Variants in GDF11 observed in about 807,000 individuals in gnomAD.
The protein encoded by GDF11 is growth/differentiation factor 11.
Under a neutral mutation model 34.4 loss-of-function variants are expected in GDF11, and 12 were observed. That is an observed-to-expected ratio of 0.35 (90% CI 0.22 to 0.57). GDF11 has a LOEUF of 0.57. Among genes scored for constraint, GDF11 ranks in the 20% least tolerant of loss-of-function variants. GDF11 has a pLI of 0.86. For synonymous variants in GDF11, 212 were observed against 231.1 expected (o/e 0.92, Z 0.75); for missense variants, 346 against 548.2 (o/e 0.63, Z 3.68).
chr12:55,754,953 A>C lies in GDF11; in HGVS notation c.*5071A>C, dbSNP rs1223128811. 6.6e-6 allele frequency: 1 copy of C among 152,238 alleles called. No homozygotes were observed. The highest frequency in any genetic ancestry group is 1.5e-5 in the Non-Finnish European group (1 of 68,042). The allele number at this position is 152,238 out of a possible 1,614,324, so 9.4% of individuals were successfully genotyped here. On this transcript the variant is annotated 3_prime_UTR_variant, in exon 3 of 3. Coordinates refer to ENST00000257868, the MANE Select transcript of GDF11 (RefSeq NM_005811.5). ...GAAACCTAAATACAGGAATAACATA[A>C]GGGAAAGAGATAACAAGAAAGTTAG...
rs1878248157 is a variant in GDF11, at chr12:55,749,095, T to C, written c.843+112T>C. ...AAGGAGGTTGGGGACCAGCATTACT[T>C]CTCTGGGGTCAGCAGCTGATTCTAG... is the stretch of plus-strand genomic sequence containing the variant. On this transcript the variant is annotated intron_variant, in intron 2 of 2. Transcript: ENST00000257868. The surrounding 1 kb of genome is among the most constrained non-coding windows in gnomAD (Gnocchi z 5.6). 1 of 1,097,608 alleles carries C rather than the reference T, an allele frequency of 9.1e-7. No individual in the cohort carries two copies. Among genetic ancestry groups the C allele is most frequent in the Non-Finnish European group, 1.3e-6 (1 of 788,020 alleles). 68.0% of individuals were successfully genotyped at this position (1,097,608 alleles called of 1,614,324 possible). A position where few individuals can be genotyped will look rare whatever the true frequency, so the allele number is the denominator to read the frequency against.
rs937069224 is a variant in GDF11 at position 55,743,380 on chromosome 12, G to A, written c.64G>A (p.Gly22Arg). ...LLLALELRPRGEAAEGPAAAA... is the reference protein window; with the variant it reads ...LLLALELRPRREAAEGPAAAA... The stretch of plus-strand genomic sequence containing the variant: ...CCTCGCCCTGGAGCTGCGGCCCCGG[G>A]GGGAGGCGGCCGAGGGCCCCGCGGC... Residue 22 changes from glycine (G) to arginine (R), a missense_variant, in exon 1 of 3, where the codon GGG becomes AGG. Physicochemically the swap from Gly to Arg is moderately radical, Grantham distance 125. This residue lies in a region of GDF11 where 141 missense variants were observed against 213.8 expected (regional missense o/e 0.66). Transcript: ENST00000257868. The A allele has an allele frequency of 2.0e-6, 2 of 988,138 alleles. No individual in the cohort carries two copies. Among genetic ancestry groups the A allele is most frequent in the Non-Finnish European group, 2.4e-6 (2 of 833,750 alleles). The allele number at this position is 988,138 out of a possible 1,614,324, so 61.2% of individuals were successfully genotyped here. A position where few individuals can be genotyped will look rare whatever the true frequency, so the allele number is the denominator to read the frequency against.
At position 55,754,654 on chromosome 12, in the gene GDF11, C is replaced by T. The variant is rs1878447035; in HGVS notation, c.*4772C>T. The T allele has an allele frequency of 6.6e-6, 1 of 152,248 alleles. No homozygotes were observed. Among genetic ancestry groups the T allele is most frequent in the African/African-American group, 2.4e-5 (1 of 41,462 alleles). The allele number at this position is 152,248 out of a possible 1,614,324, so 9.4% of individuals were successfully genotyped here. On this transcript the variant is annotated 3_prime_UTR_variant, in exon 3 of 3. Transcript: ENST00000257868. ...TCAGGGAAAGAAATATGTATTTCCA[C>T]AGTACCCTGATCACCCAGTAAAAGC...
chr12:55,756,730 C>T lies in GDF11; in HGVS notation c.*6848C>T, dbSNP rs1878517148. On this transcript the variant is annotated 3_prime_UTR_variant, in exon 3 of 3. Coordinates refer to ENST00000257868, the MANE Select transcript of GDF11 (RefSeq NM_005811.5). ...CAATGATTTAGCTAACAATGCGTAACAGCTCTGACATCCTCTGTCATGCTT... is the reference window on the plus strand; with the variant it reads ...CAATGATTTAGCTAACAATGCGTAATAGCTCTGACATCCTCTGTCATGCTT... 1.3e-5 allele frequency: 2 copies of T among 152,232 alleles called. No individual in the cohort carries two copies. Among genetic ancestry groups the T allele is most frequent in the East Asian group, 3.8e-4 (2 of 5,200 alleles). 9.4% of individuals were successfully genotyped at this position (152,232 alleles called of 1,614,324 possible).
At position 55,748,537 on chromosome 12, in the gene GDF11, C is replaced by G. The variant is rs764072303; in HGVS notation, c.446-49C>G. ...GCCAGTGCCACCCAGGACTACTGATCCCCTACACAAACACCCTTTGCTGAT... is the reference window on the plus strand; with the variant it reads ...GCCAGTGCCACCCAGGACTACTGATGCCCTACACAAACACCCTTTGCTGAT... On this transcript the variant is annotated intron_variant, in intron 1 of 2. Transcript: ENST00000257868. This position sits in a 1 kb window ranked among gnomAD's most constrained non-coding sequence, Gnocchi z 5.6. 1.3e-6 allele frequency: 2 copies of G among 1,534,646 alleles called. No individual in the cohort carries two copies. Among genetic ancestry groups the G allele is most frequent in the Admixed American group, 3.8e-5 (2 of 52,050 alleles).
At chr12:55,746,801 T>C (rs888272632) in intron 1 of GDF11, among the ~76,000 whole-genome samples, 2 of 152,240 alleles carry the variant, frequency 1.3e-5, no homozygotes, top group African/African-American at 4.8e-5. Flanking sequence ...ACTGAGAAGT[T>C]TGGTGAGTAA....
chr12:55,748,511 T>G lies in GDF11; in HGVS notation c.446-75T>G. The G allele has an allele frequency of 1.4e-6, 2 of 1,387,522 alleles. No homozygotes were observed. The highest frequency in any genetic ancestry group is 2.0e-6 in the Non-Finnish European group (2 of 1,021,738). The allele number at this position is 1,387,522 out of a possible 1,614,324, so 86.0% of individuals were successfully genotyped here. On this transcript the variant is annotated intron_variant, in intron 1 of 2. Transcript: ENST00000257868. This position sits in a 1 kb window ranked among gnomAD's most constrained non-coding sequence, Gnocchi z 5.6. ...AAAATCAGGCTGAGAAGTCCAAAAT[T>G]GCCAGTGCCACCCAGGACTACTGAT... is the stretch of plus-strand genomic sequence containing the variant.
rs186712286 is a variant in GDF11 at position 55,743,424 on chromosome 12, G to A, written c.108G>A (p.Ala36=). 16 of 1,078,190 alleles carry A rather than the reference G, an allele frequency of 1.5e-5. No homozygotes were observed. The highest frequency in any genetic ancestry group is 1.8e-5 in the Non-Finnish European group (16 of 890,968). The allele number at this position is 1,078,190 out of a possible 1,614,324, so 66.8% of individuals were successfully genotyped here. A position where few individuals can be genotyped will look rare whatever the true frequency, so the allele number is the denominator to read the frequency against. Residue 36 remains alanine, a synonymous_variant, in exon 1 of 3, where the codon GCG becomes GCA. Coordinates refer to ENST00000257868, the MANE Select transcript of GDF11 (RefSeq NM_005811.5). ...EGPAAAAAAA[A]AAAAAGVGGE... The stretch of plus-strand genomic sequence containing the variant: ...CCGCGGCGGCGGCGGCGGCGGCGGC[G>A]GCGGCGGCAGCGGCGGGGGTCGGGG...
Position 55,743,583 on chromosome 12 carries a change from C to G in GDF11, c.267C>G (p.Leu89=). Residue 89 remains leucine, a synonymous_variant, in exon 1 of 3, where the codon CTC becomes CTG. Transcript: ENST00000257868. The stretch of plus-strand genomic sequence containing the variant: ...CGCAGATCTTGAGCAAACTGCGGCT[C>G]AAGGAGGCGCCCAACATCAGCCGCG... ...IKSQILSKLR[L]KEAPNISREV... is the part of the protein sequence containing the mutation. 3 of 1,604,958 alleles carry G rather than the reference C, an allele frequency of 1.9e-6. No homozygotes were observed. The highest frequency in any genetic ancestry group is 2.5e-6 in the Non-Finnish European group (3 of 1,179,788).
Position 55,749,395 on chromosome 12 carries a change from G to C in GDF11, c.844-107G>C. The stretch of plus-strand genomic sequence containing the variant: ...GGGGTGGGAGCAATGGAAAAGCTGA[G>C]AAGTCAGCAGTCTCTATTCTGATGC... On this transcript the variant is annotated intron_variant, in intron 2 of 2. Coordinates refer to ENST00000257868, the MANE Select transcript of GDF11 (RefSeq NM_005811.5). The surrounding 1 kb of genome is among the most constrained non-coding windows in gnomAD (Gnocchi z 5.6). The C allele has an allele frequency of 8.2e-7, 1 of 1,217,138 alleles. No individual in the cohort carries two copies. The highest frequency in any genetic ancestry group is 1.1e-6 in the Non-Finnish European group (1 of 876,254). 75.4% of individuals were successfully genotyped at this position (1,217,138 alleles called of 1,614,324 possible).
At position 55,750,159 on chromosome 12, in the gene GDF11, T is replaced by G. The variant is rs1878276467; in HGVS notation, c.*277T>G. 5 of 410,638 alleles carry G rather than the reference T, an allele frequency of 1.2e-5. No homozygotes were observed. The highest frequency in any genetic ancestry group is 4.7e-5 in the South Asian group (1 of 21,200). 25.4% of individuals were successfully genotyped at this position (410,638 alleles called of 1,614,324 possible). On this transcript the variant is annotated 3_prime_UTR_variant, in exon 3 of 3. Coordinates refer to ENST00000257868, the MANE Select transcript of GDF11 (RefSeq NM_005811.5). ...AGACAGAGAGATGTAGAGACAGTGA[T>G]AGAGACAGAGGAACAAAAAGAGCAG...
At position 55,749,582 on chromosome 12, in the gene GDF11, A is replaced by G. The variant is rs769442429; in HGVS notation, c.924A>G (p.Ser308=). ...RNLGLDCDEH[S]SESRCCRYPL... ...TGGGTCTGGACTGCGACGAGCACTC[A>G]AGCGAGTCCCGCTGCTGCCGATATC... Residue 308 remains serine, a synonymous_variant, in exon 3 of 3, where the codon TCA becomes TCG. Coordinates refer to ENST00000257868, the MANE Select transcript of GDF11 (RefSeq NM_005811.5). This position sits in a 1 kb window ranked among gnomAD's most constrained non-coding sequence, Gnocchi z 5.6. The G allele has an allele frequency of 5.6e-6, 9 of 1,614,018 alleles. No homozygotes were observed. Among genetic ancestry groups the G allele is most frequent in the Admixed American group, 1.7e-5 (1 of 60,004 alleles).
At chr12:55,744,201 C>A (rs1417961688) in intron 1 of GDF11, among the ~76,000 whole-genome samples, 1 of 152,190 alleles carries the variant, frequency 6.6e-6, no homozygotes, top group African/African-American at 2.4e-5. Context: ...CTCCCCACTC[C>A]GTGCTCCGTT....
At position 55,748,794 on chromosome 12, in the gene GDF11, C is replaced by A; in HGVS notation, c.654C>A (p.His218Gln). ...GGGGAGGGGGCGGAGGCCGGCGTCA[C>A]ATCCGTATCCGCTCACTGAAGATTG... ...TAGGGGGGRR[H>Q]IRIRSLKIEL... Residue 218 changes from histidine (H) to glutamine (Q), a missense_variant, in exon 2 of 3, where the codon CAC becomes CAA. Transcript: ENST00000257868. The surrounding 1 kb of genome is among the most constrained non-coding windows in gnomAD (Gnocchi z 5.6). The A allele has an allele frequency of 6.2e-7, 1 of 1,614,198 alleles. No individual in the cohort carries two copies. The highest frequency in any genetic ancestry group is 8.5e-7 in the Non-Finnish European group (1 of 1,180,036).
In GDF11 at chr12:55,749,548, G is replaced by A. The variant is rs373209240; in HGVS notation, c.890G>A (p.Arg297Gln). 1 of 1,613,488 alleles carries A rather than the reference G, an allele frequency of 6.2e-7. No individual in the cohort carries two copies. The highest frequency in any genetic ancestry group is 8.5e-7 in the Non-Finnish European group (1 of 1,179,544). ...GTCCTAGAGAACACAAAACGTTCCC[G>A]GCGGAACCTGGGTCTGGACTGCGAC... ...LRVLENTKRSRRNLGLDCDEH... is the reference protein window; with the variant it reads ...LRVLENTKRSQRNLGLDCDEH... Residue 297 changes from arginine (R) to glutamine (Q), a missense_variant, in exon 3 of 3, where the codon CGG (arginine) becomes CAG (glutamine). Transcript: ENST00000257868. This position sits in a 1 kb window ranked among gnomAD's most constrained non-coding sequence, Gnocchi z 5.6.
Position 55,749,887 on chromosome 12 carries a change from G to T in GDF11, c.*5G>T, listed in dbSNP as rs1179279017. 4 of 1,606,368 alleles carry T rather than the reference G, an allele frequency of 2.5e-6. No homozygotes were observed. Among genetic ancestry groups the T allele is most frequent in the Non-Finnish European group, 3.4e-6 (4 of 1,174,758 alleles). Reference sequence around the variant, plus strand: ...GATCGCTGTGGCTGCTCTTAAGGTGGGGGATAGAGGATGCCTCCCCCACAG... The same window carrying T: ...GATCGCTGTGGCTGCTCTTAAGGTGTGGGATAGAGGATGCCTCCCCCACAG... On this transcript the variant is annotated 3_prime_UTR_variant, in exon 3 of 3. Transcript: ENST00000257868. The surrounding 1 kb of genome is among the most constrained non-coding windows in gnomAD (Gnocchi z 5.6).
rs1878248237 is a variant in GDF11 at position 55,749,096 on chromosome 12, C to A, written c.843+113C>A. On this transcript the variant is annotated intron_variant, in intron 2 of 2. Transcript: ENST00000257868. This position sits in a 1 kb window ranked among gnomAD's most constrained non-coding sequence, Gnocchi z 5.6. ...AGGAGGTTGGGGACCAGCATTACTT[C>A]TCTGGGGTCAGCAGCTGATTCTAGA... 6.4e-6 allele frequency: 7 copies of A among 1,095,230 alleles called. No homozygotes were observed. The highest frequency in any genetic ancestry group is 1.6e-5 in the South Asian group (1 of 61,086). The allele number at this position is 1,095,230 out of a possible 1,614,324, so 67.8% of individuals were successfully genotyped here. A position where few individuals can be genotyped will look rare whatever the true frequency, so the allele number is the denominator to read the frequency against.
In GDF11 at chr12:55,748,484, G is replaced by A; in HGVS notation, c.446-102G>A. On this transcript the variant is annotated intron_variant, in intron 1 of 2. Transcript: ENST00000257868. This position sits in a 1 kb window ranked among gnomAD's most constrained non-coding sequence, Gnocchi z 5.6. ...CATGGGAGAAGGGTAAAGAAGAACTGGAAAATCAGGCTGAGAAGTCCAAAA... is the reference window on the plus strand; with the variant it reads ...CATGGGAGAAGGGTAAAGAAGAACTAGAAAATCAGGCTGAGAAGTCCAAAA... The A allele has an allele frequency of 9.8e-7, 1 of 1,024,482 alleles. No homozygotes were observed. The highest frequency in any genetic ancestry group is 1.4e-6 in the Non-Finnish European group (1 of 696,122). 63.5% of individuals were successfully genotyped at this position (1,024,482 alleles called of 1,614,324 possible).
chr12:55,751,225 A>G lies in GDF11; in HGVS notation c.*1343A>G, dbSNP rs901908146. On this transcript the variant is annotated 3_prime_UTR_variant, in exon 3 of 3. Coordinates refer to ENST00000257868, the MANE Select transcript of GDF11 (RefSeq NM_005811.5). ...TTTTTCCTTTTATTTTTGGAATCTAACAGTACCTGGCAGCAGGGAGGGGAA... is the reference window on the plus strand; with the variant it reads ...TTTTTCCTTTTATTTTTGGAATCTAGCAGTACCTGGCAGCAGGGAGGGGAA... The G allele has an allele frequency of 2.6e-5, 4 of 152,312 alleles. No homozygotes were observed. The highest frequency in any genetic ancestry group is 9.6e-5 in the African/African-American group (4 of 41,452). 9.4% of individuals were successfully genotyped at this position (152,312 alleles called of 1,614,324 possible).
Sources: allele counts gnomAD v4.1 joint callset (sites outside exome capture counted in the v4.1 genomes callset), GRCh38; gene constraint gnomAD v4.1.1; regional missense constraint gnomAD v4.1.1; non-coding constraint Gnocchi (gnomAD v3.1); transcripts MANE v1.5; gene names NCBI Gene and HGNC (gene_info 2026-07-23, HGNC 2026-07-21).